The following MED12L variants were observed in gnomAD, a reference collection of about 807,000 sequenced individuals.
MED12L encodes the protein mediator complex subunit 12L.
MED12L carries 60 observed loss-of-function variants against 281.3 expected under a neutral mutation model. The observed-to-expected ratio is 0.21, with a 90% CI of 0.17 to 0.26. The LOEUF (loss-of-function observed/expected upper bound fraction) is 0.26. Ranked by LOEUF, MED12L falls within the 10% of genes least tolerant of loss-of-function variation. The pLI is 1.00. For missense variants in MED12L, 2,146 were observed against 2,680.9 expected (o/e 0.80, Z 4.41); for synonymous variants, 974 against 987.2 (o/e 0.99, Z 0.25).
At chr3:151,295,903 T>C (rs540982085) in intron 16 of MED12L, among the ~76,000 whole-genome samples, 2 of 152,346 alleles carry the variant, frequency 1.3e-5, no homozygotes, top group Admixed American at 1.3e-4. Context: ...TGAAATCTGT[T>C]TTCACCTTAG....
At chr3:151,370,882 A>G (rs1477704196) in intron 26 of MED12L, among the ~76,000 whole-genome samples, 1 of 152,226 alleles carries the variant, frequency 6.6e-6, no homozygotes, top group African/African-American at 2.4e-5. Flanking sequence ...TTGTAGGATT[A>G]GTCTAATCTC....
At chr3:151,419,012 G>C (rs938014683) in intron 43 of MED12L, among the ~76,000 whole-genome samples, 5 of 152,060 alleles carry the variant, frequency 3.3e-5, no homozygotes, top group African/African-American at 1.2e-4. Flanking sequence ...GTGTTATTTC[G>C]TGTTGTTTGT....
chr3:151,137,178 A>G (rs902605083), intron 5 of MED12L, among the ~76,000 whole-genome samples: 5 of 151,768 alleles, frequency 3.3e-5, no homozygotes, highest in Non-Finnish European at 7.4e-5. Context: ...AAAAGAAAAA[A>G]AAAAAAAAGA....
At chr3:151,109,001 A>G (rs998012874) in intron 2 of MED12L, among the ~76,000 whole-genome samples, 2 of 152,204 alleles carry the variant, frequency 1.3e-5, no homozygotes, top group African/African-American at 4.8e-5. Context: ...GTGAAGTTCA[A>G]GGTAAATGCA....
At chr3:151,340,389 T>G (rs1296622246) in intron 16 of MED12L, among the ~76,000 whole-genome samples, 3 of 152,208 alleles carry the variant, frequency 2.0e-5, no homozygotes, top group Non-Finnish European at 4.4e-5. Context: ...ATGCTTTGTA[T>G]AATTTTTCTT....
At chr3:151,289,971 C>T (rs13079391) in intron 16 of MED12L, among the ~76,000 whole-genome samples, 43,233 of 151,668 alleles carry the variant, frequency 0.29, 6,294 homozygotes, top group Non-Finnish European at 0.31. Flanking sequence ...ACCTCCGCCT[C>T]CCAGGTTCAC....
At chr3:151,189,716 T>C (rs1363097226) in intron 13 of MED12L, among the ~76,000 whole-genome samples, 2 of 152,220 alleles carry the variant, frequency 1.3e-5, no homozygotes, top group African/African-American at 4.8e-5. Context: ...GTGTCTCCTA[T>C]TGGTGTTTGT....
chr3:151,351,679 G>A (rs777999366), intron 17 of MED12L, among the ~76,000 whole-genome samples: 9 of 152,188 alleles, frequency 5.9e-5, no homozygotes, highest in East Asian at 5.8e-4. Flanking sequence ...TGGCAATGGG[G>A]TAGGGGGGAG....
At chr3:151,169,096 CTTTTTCTTTGTTTTTT>C (rs1271490450) in intron 11 of MED12L, among the ~76,000 whole-genome samples, 1 of 137,476 alleles carries the variant, frequency 7.3e-6, no homozygotes, top group African/African-American at 2.7e-5. Context: ...TTACTGTTTT[CTTTTTCTTTGTTTTTT>C]TTTTTTTTTG....
intron 16 of MED12L, among the ~76,000 whole-genome samples, chr3:151,320,640 G>A (rs1442952092): frequency 1.3e-5 from 2 of 152,232 alleles, no homozygotes; most frequent in East Asian, 1.9e-4. Flanking sequence ...CCTTTTTCTG[G>A]TATGAGAACT....
At chr3:151,284,157 T>C (rs1577228727) in intron 16 of MED12L, among the ~76,000 whole-genome samples, 1 of 152,192 alleles carries the variant, frequency 6.6e-6, no homozygotes, top group African/African-American at 2.4e-5. Context: ...CCTGCCACGA[T>C]GTGTGGGAGG....
intron 16 of MED12L, chr3:151,299,946 T>C: frequency 1.3e-6 from 1 of 744,866 alleles, no homozygotes; most frequent in Non-Finnish European, 2.5e-6. Flanking sequence ...AACACAAAGC[T>C]AAATGCTGGT....
In MED12L at chr3:151,380,143, C is replaced by G; in HGVS notation, c.4509C>G (p.Leu1503=). The G allele has an allele frequency of 1.2e-6, 2 of 1,604,948 alleles. No individual in the cohort carries two copies. The highest frequency in any genetic ancestry group is 1.7e-6 in the Non-Finnish European group (2 of 1,177,262). Residue 1503 remains leucine, a synonymous_variant, in exon 32 of 45, where the codon CTC becomes CTG. Coordinates refer to ENST00000687756, the MANE Select transcript of MED12L (RefSeq NM_001393769.1). ...SMSLLSQQPF[L]SLVLTCLKGQ... ...CTCTTTTGAGTCAACAACCCTTCCTCTCACTGGTACTTACCTGCCTTAAGG... is the reference window on the plus strand; with the variant it reads ...CTCTTTTGAGTCAACAACCCTTCCTGTCACTGGTACTTACCTGCCTTAAGG...
rs1719340555 is a variant in MED12L at position 151,430,356 on chromosome 3, C to T, written c.6466C>T (p.Arg2156Trp). 6.2e-7 allele frequency: 1 copy of T among 1,614,046 alleles called. No homozygotes were observed. Among genetic ancestry groups the T allele is most frequent in the Non-Finnish European group, 8.5e-7 (1 of 1,179,964 alleles). ...GCAGCAGCAGACGGCCGCCTTGGTG[C>T]GGCAGCTCCAGAAGCAGCTTTCCAG... ...QQQQQTAALV[R>W]QLQKQLSSNQ... The change falls in exon 44 of 45, where the codon CGG (arginine) becomes TGG (tryptophan). Residue 2156 changes from arginine to tryptophan, a missense_variant. Transcript: ENST00000687756.
At chr3:151,377,564 A>C (rs1393459260) in intron 30 of MED12L, among the ~76,000 whole-genome samples, 1 of 152,220 alleles carries the variant, frequency 6.6e-6, no homozygotes, top group African/African-American at 2.4e-5. Context: ...ATAAAGTCTT[A>C]AAGTAATTAT....
In MED12L at chr3:151,240,643, A is replaced by G. The variant is rs545604724; in HGVS notation, c.2250+46977A>G. ...GCATCTCCTTTATCTACCATGCAAG[A>G]TTGCTTCTATGAAAATCTGAGTCCC... On this transcript the variant is annotated intron_variant, in intron 16 of 44. Transcript: ENST00000687756. 1.1e-4 allele frequency among the ~76,000 whole-genome samples: 17 copies of G among 152,340 alleles called. 1 individual carries two copies. The South Asian group carries it at 3.3e-3, about 30-fold the overall frequency.
At position 151,435,319 on chromosome 3, in the gene MED12L, C is replaced by G. The variant is rs1489690908; in HGVS notation, c.*2515C>G. The G allele has an allele frequency of 6.7e-6, 1 of 150,290 alleles. No homozygotes were observed. Among genetic ancestry groups the G allele is most frequent in the South Asian group, 2.1e-4 (1 of 4,728 alleles). 9.3% of individuals were successfully genotyped at this position (150,290 alleles called of 1,614,324 possible). A position where few individuals can be genotyped will look rare whatever the true frequency, so the allele number is the denominator to read the frequency against. ...CTCTTGTTTACACTGTAGGCTTTTT[C>G]TTAATAGGGTTGCATTTGTCAGTCA... On this transcript the variant is annotated 3_prime_UTR_variant, in exon 45 of 45. Coordinates refer to ENST00000687756, the MANE Select transcript of MED12L (RefSeq NM_001393769.1).
rs75490096 is a variant in MED12L, at chr3:151,173,074, C to CT, written c.1494+7106dup. 4.4e-3 allele frequency among the ~76,000 whole-genome samples: 616 copies of CT among 140,326 alleles called. 5 individuals are homozygous for CT. Among genetic ancestry groups the CT allele is most frequent in the Middle Eastern group, 0.012 (3 of 258 alleles). The allele number at this position is 140,326 out of a possible 152,430, so 92.1% of individuals were successfully genotyped here. Reference sequence around the variant, plus strand: ...TGATTTGTTTTTGAGTATTATGCGACTTTTTTTTTTTTTTAACTTTTTTGT... The same window carrying CT: ...TGATTTGTTTTTGAGTATTATGCGACTTTTTTTTTTTTTTTAACTTTTTTGT... On this transcript the variant is annotated intron_variant, in intron 11 of 44. Coordinates refer to ENST00000687756, the MANE Select transcript of MED12L (RefSeq NM_001393769.1).
intron 43 of MED12L, among the ~76,000 whole-genome samples, chr3:151,424,840 A>G (rs1718689733): frequency 6.6e-6 from 1 of 152,192 alleles, no homozygotes; most frequent in Admixed American, 6.5e-5. Context: ...ACGGACGACC[A>G]TGCTTCATTC....
Sources: gnomAD v4.1 joint callset for allele counts (sites outside exome capture counted in the v4.1 genomes callset) on GRCh38, gnomAD v4.1.1 for gene constraint, MANE v1.5 for transcripts, NCBI Gene and HGNC (gene_info 2026-07-23, HGNC 2026-07-21) for gene names.